Variants in TMPRSS13 observed in about 807,000 individuals in gnomAD.
The protein encoded by TMPRSS13 is transmembrane protease serine 13.
TMPRSS13 carries 50 observed loss-of-function variants against 68.4 expected under a neutral mutation model. The ratio of observed to expected loss-of-function variants is 0.73; its 90% CI spans 0.58 to 0.93. TMPRSS13 has a LOEUF of 0.93. Ranked by LOEUF, TMPRSS13 falls within the 40% of genes least tolerant of loss-of-function variation. TMPRSS13 has a pLI of 0.00. For missense variants in TMPRSS13, 615 were observed against 729.2 expected, an observed-to-expected ratio of 0.84 and a Z score of 1.80; for synonymous variants, 267 against 285.8, an observed-to-expected ratio of 0.93 and a Z score of 0.66.
chr11:117,911,258 T>C (rs191284513), intron 6 of TMPRSS13, among the ~76,000 whole-genome samples: 14 of 152,288 alleles, frequency 9.2e-5, no homozygotes, highest in Admixed American at 3.9e-4. Context: ...CCCAAACCTC[T>C]GATGCTTCCA....
chr11:117,920,267 T>C (rs1276338928), intron 1 of TMPRSS13, among the ~76,000 whole-genome samples: 1 of 152,212 alleles, frequency 6.6e-6, no homozygotes, highest in African/African-American at 2.4e-5. Flanking sequence ...TCACAGATCA[T>C]GCCTGTAAAA....
intron 1 of TMPRSS13, among the ~76,000 whole-genome samples, chr11:117,921,509 T>A (rs2057648381): frequency 1.3e-5 from 2 of 152,008 alleles, no homozygotes; most frequent in South Asian, 4.2e-4. Context: ...AGCTGCCCCA[T>A]CTTGAAGAGG....
Position 117,908,705 on chromosome 11 carries a change from T to C in TMPRSS13, c.1189A>G (p.Ile397Val). ...NLHQLPEAASIAEIIINSNYT... is the reference protein window; with the variant it reads ...NLHQLPEAASVAEIIINSNYT... ...TTGCTGTTGATGATGATCTCGGCAA[T>C]GGAGGCTGCCTCAGGCAACTGGTGC... The change falls in exon 9 of 13, where the codon ATT becomes GTT. Residue 397 changes from isoleucine to valine, a missense_variant. Coordinates refer to ENST00000524993, the MANE Select transcript of TMPRSS13 (RefSeq NM_001077263.3). The C allele has an allele frequency of 6.2e-7, 1 of 1,606,654 alleles. No individual in the cohort carries two copies. Among genetic ancestry groups the C allele is most frequent in the Non-Finnish European group, 8.5e-7 (1 of 1,177,528 alleles).
chr11:117,902,450 G>A (rs1357814522), intron 12 of TMPRSS13, among the ~76,000 whole-genome samples, 185 bp from the exon 13 acceptor site: 1 of 152,216 alleles, frequency 6.6e-6, no homozygotes, highest in Non-Finnish European at 1.5e-5. Flanking sequence ...CTAGATTTCT[G>A]GAGCCTTTTC....
chr11:117,929,289 C>G lies in TMPRSS13; in HGVS notation c.19G>C (p.Gly7Arg). The G allele has an allele frequency of 6.2e-7, 1 of 1,605,428 alleles. No individual in the cohort carries two copies. The highest frequency in any genetic ancestry group is 1.1e-5 in the South Asian group (1 of 89,132). Reference sequence around the variant, plus strand: ...CCGAGGCCTGAGGTCACACTCACCCCGTGGCTGTCCCTCTCCATGGTCTCT... The same window carrying G: ...CCGAGGCCTGAGGTCACACTCACCCGGTGGCTGTCCCTCTCCATGGTCTCT... MERDSH[G>R]NASPARTPSA... is the part of the protein sequence containing the mutation. The change falls in exon 1 of 13, where the codon GGG becomes CGG. Residue 7 changes from glycine (G) to arginine (R), a missense_variant and splice_region_variant. Physicochemically the swap from Gly to Arg is moderately radical, Grantham distance 125. Coordinates refer to ENST00000524993, the MANE Select transcript of TMPRSS13 (RefSeq NM_001077263.3).
At chr11:117,913,073 G>A (rs1381639582) in intron 5 of TMPRSS13, among the ~76,000 whole-genome samples, 1 of 152,062 alleles carries the variant, frequency 6.6e-6, no homozygotes, top group Admixed American at 6.6e-5. Context: ...TTCTTCTGTA[G>A]AGAACCCACA....
intron 10 of TMPRSS13, among the ~76,000 whole-genome samples, chr11:117,905,284 C>T (rs926454283): frequency 1.3e-5 from 2 of 152,072 alleles, no homozygotes; most frequent in African/African-American, 4.8e-5. Flanking sequence ...GAACCCTCCC[C>T]AAGCCACCTA....
At position 117,913,926 on chromosome 11, in the gene TMPRSS13, C is replaced by T. The variant is rs766082596; in HGVS notation, c.680-20G>A. 6.2e-7 allele frequency: 1 copy of T among 1,611,530 alleles called. No individual in the cohort carries two copies. The highest frequency in any genetic ancestry group is 1.1e-5 in the South Asian group (1 of 90,950). On this transcript the variant is annotated intron_variant, in intron 4 of 12. Transcript: ENST00000524993. ...ACCTCACTGCAGGGCAAGAAAAAGG[C>T]AGAGCAGGTCCTCAGCACCTAGGAA...
chr11:117,903,576 A>T (rs2845712), intron 12 of TMPRSS13, 79 bp downstream of exon 12: 19 of 1,605,190 alleles, frequency 1.2e-5, no homozygotes, highest in Non-Finnish European at 1.4e-5. Flanking sequence ...TCTGCCTACA[A>T]CCTGGGTGCT....
At chr11:117,905,863 A>G in intron 9 of TMPRSS13, 127 bp from the exon 10 acceptor site, 5 of 633,154 alleles carry the variant, frequency 7.9e-6, no homozygotes, top group Middle Eastern at 9.1e-4. Context: ...TTGACTCTAG[A>G]GTCCTGGATC....
chr11:117,904,883 A>T (rs1458203008), intron 10 of TMPRSS13, among the ~76,000 whole-genome samples: 1 of 16,448 alleles, frequency 6.1e-5, no homozygotes, highest in Non-Finnish European at 1.1e-4. Flanking sequence ...ATATATATAT[A>T]TATATATATA....
rs567460426 is a variant in TMPRSS13 at position 117,908,779 on chromosome 11, C to T, written c.1115G>A (p.Arg372Gln). ...LTAAHCFFVT[R>Q]EKVLEGWKVY... is the part of the protein sequence containing the mutation. Reference sequence around the variant, plus strand: ...CTTCCAGCCCTCCAGGACCTTCTCCCGGGTCCTGCAAGAGCCACAAAGGAG... The same window carrying T: ...CTTCCAGCCCTCCAGGACCTTCTCCTGGGTCCTGCAAGAGCCACAAAGGAG... The change falls in exon 9 of 13, where the codon CGG becomes CAG. Residue 372 changes from arginine to glutamine, a missense_variant. By Grantham distance (43) the Arg-to-Gln change is conservative. Coordinates refer to ENST00000524993, the MANE Select transcript of TMPRSS13 (RefSeq NM_001077263.3). The T allele has an allele frequency of 2.4e-5, 39 of 1,602,320 alleles. No homozygotes were observed. The highest frequency in any genetic ancestry group is 1.0e-4 in the Admixed American group (6 of 58,676).
chr11:117,917,086 G>C, intron 3 of TMPRSS13, 84 bp downstream of exon 3: 2 of 1,130,100 alleles, frequency 1.8e-6, no homozygotes, highest in Non-Finnish European at 2.6e-6. Flanking sequence ...CCCCACACCT[G>C]TCTCCCCTGC....
chr11:117,905,835 C>T (rs1177961889), intron 9 of TMPRSS13, 99 bp from the exon 10 acceptor site: 2 of 829,394 alleles, frequency 2.4e-6, no homozygotes, highest in Non-Finnish European at 3.9e-6. Flanking sequence ...AAGGAGGGGT[C>T]TCCTAGAACA....
intron 1 of TMPRSS13, among the ~76,000 whole-genome samples, chr11:117,923,368 C>G (rs944731876): frequency 1.4e-5 from 2 of 147,346 alleles, no homozygotes; most frequent in Non-Finnish European, 2.9e-5. Flanking sequence ...AGTTAGCCAG[C>G]CCCTGAGTAT....
intron 9 of TMPRSS13, among the ~76,000 whole-genome samples, chr11:117,906,307 T>C (rs1705852305): frequency 6.6e-6 from 1 of 152,258 alleles, no homozygotes; most frequent in Non-Finnish European, 1.5e-5. Context: ...GAATTCCTGC[T>C]AACTTGATCC....
chr11:117,920,579 G>A (rs1007722503), intron 1 of TMPRSS13, among the ~76,000 whole-genome samples: 1 of 152,056 alleles, frequency 6.6e-6, no homozygotes, highest in African/African-American at 2.4e-5. Flanking sequence ...TGCGACCTCT[G>A]CTGGGTTTAA....
intron 1 of TMPRSS13, 135 bp from the exon 2 acceptor site, chr11:117,918,973 C>T: frequency 7.9e-7 from 1 of 1,258,500 alleles, no homozygotes; most frequent in Non-Finnish European, 1.1e-6. Flanking sequence ...GACAAGGAAG[C>T]ATCTGAGAGG....
At position 117,910,453 on chromosome 11, in the gene TMPRSS13, A is replaced by C; in HGVS notation, c.946+254T>G. 3 of 494,950 alleles carry C rather than the reference A, an allele frequency of 6.1e-6. No individual in the cohort carries two copies. The Admixed American group carries it at 1.0e-4, about 17-fold the overall frequency. 30.7% of individuals were successfully genotyped at this position (494,950 alleles called of 1,614,324 possible). ...AGGAAGAATACACTTCCCCTGATGC[A>C]CAGAAGACTCAGACAGCTTCCTTGG... On this transcript the variant is annotated intron_variant, in intron 7 of 12. Transcript: ENST00000524993.
Sources: gnomAD v4.1 joint callset for allele counts (sites outside exome capture counted in the v4.1 genomes callset) on GRCh38, gnomAD v4.1.1 for gene constraint, MANE v1.5 for transcripts, NCBI Gene and HGNC (gene_info 2026-07-23, HGNC 2026-07-21) for gene names.